The following EFR3A variants were observed in gnomAD, a reference collection of about 807,000 sequenced individuals.
EFR3A encodes the protein EFR3 homolog A, also known as protein EFR3 homolog A.
Under a neutral mutation model 104.4 loss-of-function variants are expected in EFR3A, and 76 were observed. The observed-to-expected ratio is 0.73, with a 90% confidence interval of 0.60 to 0.88. EFR3A has a LOEUF of 0.88. EFR3A is among the 40% of genes least tolerant of loss of function. The pLI, the probability that EFR3A is intolerant of heterozygous loss-of-function variation, is 0.00. For synonymous variants in EFR3A, 330 were observed against 330.0 expected, an observed-to-expected ratio of 1.00 and a Z score of 0.00; for missense variants, 985 against 1,012.5, an observed-to-expected ratio of 0.97 and a Z score of 0.37.
At chr8:131,965,277 G>A (rs1819636744) in intron 8 of EFR3A, among the ~76,000 whole-genome samples, 2 of 152,094 alleles carry the variant, frequency 1.3e-5, no homozygotes, top group South Asian at 2.1e-4. Flanking sequence ...GAGTCAACAG[G>A]CAACCTACAG....
At chr8:131,912,778 A>G (rs1367516484) in intron 1 of EFR3A, among the ~76,000 whole-genome samples, 1 of 152,212 alleles carries the variant, frequency 6.6e-6, no homozygotes. Flanking sequence ...ACATGTTAAA[A>G]TGCTGCTTTG....
At chr8:131,963,421 C>A (rs1426850213) in intron 8 of EFR3A, among the ~76,000 whole-genome samples, 1 of 152,048 alleles carries the variant, frequency 6.6e-6, no homozygotes, top group Non-Finnish European at 1.5e-5. Flanking sequence ...TACAAACTAC[C>A]ATCAGAGAAT....
intron 1 of EFR3A, among the ~76,000 whole-genome samples, chr8:131,924,643 C>G (rs557848198): frequency 1.8e-3 from 278 of 152,178 alleles, no homozygotes; most frequent in African/African-American, 6.5e-3. Context: ...TACTCTGTTC[C>G]CTCTGTTCAT....
chr8:131,925,518 G>T (rs1817252954), intron 1 of EFR3A, among the ~76,000 whole-genome samples: 1 of 152,000 alleles, frequency 6.6e-6, no homozygotes, highest in African/African-American at 2.4e-5. Context: ...TGATTATGAA[G>T]AAATTATCTT....
At chr8:131,980,028 G>A (rs1448544404) in intron 14 of EFR3A, among the ~76,000 whole-genome samples, 1 of 152,038 alleles carries the variant, frequency 6.6e-6, no homozygotes, top group African/African-American at 2.4e-5. Flanking sequence ...CAAAGCTTGG[G>A]CACCTAATAT....
intron 1 of EFR3A, among the ~76,000 whole-genome samples, chr8:131,906,081 T>C (rs1816249667): frequency 1.3e-5 from 2 of 152,220 alleles, no homozygotes; most frequent in Admixed American, 6.5e-5. Context: ...TGGTACATTT[T>C]TTATGACTGA....
At chr8:131,926,055 C>A (rs1249042855) in intron 1 of EFR3A, among the ~76,000 whole-genome samples, 1 of 151,524 alleles carries the variant, frequency 6.6e-6, no homozygotes, top group African/African-American at 2.4e-5. Flanking sequence ...TAGTTAAAAT[C>A]TATTATAGGG....
chr8:131,962,588 A>T (rs1328640614), intron 8 of EFR3A, among the ~76,000 whole-genome samples: 2 of 152,304 alleles, frequency 1.3e-5, no homozygotes, highest in African/African-American at 4.8e-5. Flanking sequence ...AAAGAGACGT[A>T]GACTCCCACA....
Position 131,979,266 on chromosome 8 carries a change from T to G in EFR3A, c.1500-80T>G, listed in dbSNP as rs922614799. ...TACAGGCTTATCAAACTCCTAAGTATAAATACAATTTTCCATATAAGATGT... is the reference window on the plus strand; with the variant it reads ...TACAGGCTTATCAAACTCCTAAGTAGAAATACAATTTTCCATATAAGATGT... On this transcript the variant is annotated intron_variant, in intron 13 of 22. Transcript: ENST00000254624. The G allele has an allele frequency of 6.7e-6, 8 of 1,186,634 alleles. No homozygotes were observed. The African/African-American group carries it at 1.1e-4, about 16-fold the overall frequency. 73.5% of individuals were successfully genotyped at this position (1,186,634 alleles called of 1,614,324 possible). A position where few individuals can be genotyped will look rare whatever the true frequency, so the allele number is the denominator to read the frequency against.
chr8:131,948,413 G>C (rs1818540272), intron 4 of EFR3A, among the ~76,000 whole-genome samples: 1 of 152,148 alleles, frequency 6.6e-6, no homozygotes, highest in Non-Finnish European at 1.5e-5. Context: ...GGCACTGTTA[G>C]TTATTACTGG....
chr8:131,962,585 C>T (rs574071808), intron 8 of EFR3A, among the ~76,000 whole-genome samples: 144 of 152,254 alleles, frequency 9.5e-4, no homozygotes, highest in African/African-American at 3.3e-3. Context: ...TAGAAAGAGA[C>T]GTAGACTCCC....
chr8:131,991,411 T>C (rs1012744732), intron 18 of EFR3A, among the ~76,000 whole-genome samples: 1 of 152,106 alleles, frequency 6.6e-6, no homozygotes, highest in Admixed American at 6.5e-5. Context: ...TCTCTATAAG[T>C]AGTTTTGAAT....
intron 19 of EFR3A, among the ~76,000 whole-genome samples, chr8:131,998,340 T>C (rs545793215): frequency 5.3e-5 from 8 of 152,216 alleles, no homozygotes; most frequent in Non-Finnish European, 8.8e-5. Context: ...AAAAATAACT[T>C]TTTTGTTTGA....
chr8:131,962,973 G>T (rs936315977), intron 8 of EFR3A, among the ~76,000 whole-genome samples: 1 of 151,044 alleles, frequency 6.6e-6, no homozygotes, highest in Admixed American at 6.6e-5. Flanking sequence ...ATGACTACTG[G>T]GTATATAACG....
intron 1 of EFR3A, among the ~76,000 whole-genome samples, chr8:131,936,516 T>TAC (rs1586564822): frequency 1.3e-5 from 2 of 151,482 alleles, no homozygotes; most frequent in East Asian, 2.0e-4. Context: ...CACACTCACA[T>TAC]ACACACACAC....
chr8:131,970,407 A>C, intron 9 of EFR3A, 69 bp from the exon 10 acceptor site: 1 of 1,391,694 alleles, frequency 7.2e-7, no homozygotes, highest in Non-Finnish European at 9.9e-7. Flanking sequence ...CTGTGGAGAA[A>C]TAAGGTAATT....
At chr8:131,934,194 T>G (rs1364264073) in intron 1 of EFR3A, among the ~76,000 whole-genome samples, 2 of 152,210 alleles carry the variant, frequency 1.3e-5, no homozygotes, top group Non-Finnish European at 2.9e-5. Context: ...TTTCCCACTT[T>G]TCTTTCAAAG....
At chr8:131,967,019 G>A (rs1234643171) in intron 8 of EFR3A, among the ~76,000 whole-genome samples, 1 of 152,048 alleles carries the variant, frequency 6.6e-6, no homozygotes, top group East Asian at 1.9e-4. Flanking sequence ...TTCACTCTCT[G>A]CAGTGTCCCC....
chr8:131,954,651 T>TA (rs1285238004), intron 6 of EFR3A, among the ~76,000 whole-genome samples: 1 of 149,448 alleles, frequency 6.7e-6, no homozygotes, highest in Non-Finnish European at 1.5e-5. Flanking sequence ...TTATTATAAA[T>TA]AATATTTTAA....
Sources: gnomAD v4.1 joint callset for allele counts (sites outside exome capture counted in the v4.1 genomes callset) on GRCh38, gnomAD v4.1.1 for gene constraint, MANE v1.5 for transcripts, NCBI Gene and HGNC (gene_info 2026-07-23, HGNC 2026-07-21) for gene names.